The following CAPN8 variants were observed in gnomAD, a reference collection of about 807,000 sequenced individuals.
The protein encoded by CAPN8 is calpain-8.
A neutral mutation model predicts 80.9 loss-of-function variants in CAPN8; 87 were observed. That is an observed-to-expected ratio of 1.07 (90% CI 0.90 to 1.28). CAPN8 has a LOEUF of 1.28. Among genes scored for constraint, CAPN8 ranks in the 50% most tolerant of loss-of-function variants. CAPN8 has a pLI of 0.00. For missense variants in CAPN8, 757 were observed against 702.0 expected (o/e 1.08, Z -0.89); for synonymous variants, 299 against 273.8 (o/e 1.09, Z -0.91).
intron 2 of CAPN8, among the ~76,000 whole-genome samples, chr1:223,651,308 T>C (rs972631955): frequency 6.6e-6 from 1 of 152,140 alleles, no homozygotes; most frequent in Non-Finnish European, 1.5e-5. Flanking sequence ...TTTAATTACT[T>C]AAATGGAGGT....
rs1656577387 is a variant in CAPN8, at chr1:223,544,870, C to T, written c.1834-20G>A. On this transcript the variant is annotated intron_variant, in intron 17 of 20. Transcript: ENST00000366872. ...GATCTCCTAAAGCAGGAAAGAAATC[C>T]CAAGTAGAAAACAACCATTCACGGC... 3 of 1,551,482 alleles carry T rather than the reference C, an allele frequency of 1.9e-6. No homozygotes were observed. In the East Asian group the frequency reaches 7.3e-5, roughly 38 times the overall value.
chr1:223,625,859 G>A lies in CAPN8; in HGVS notation c.759C>T (p.Ile253=), dbSNP rs1459412763. The A allele has an allele frequency of 4.5e-6, 7 of 1,551,476 alleles. No individual in the cohort carries two copies. The highest frequency in any genetic ancestry group is 6.1e-6 in the Non-Finnish European group (7 of 1,146,874). ...GACTCTTAACCAGCTTCTGGCTGGT[G>A]ATGGCTTCGGCTTCGGCTGCACTGG... ...DVSSAAEAEA[I]TSQKLVKSHA... is the part of the protein sequence containing the mutation. The change falls in exon 6 of 21, where the codon ATC becomes ATT. Residue 253 remains isoleucine (I), a synonymous_variant. Transcript: ENST00000366872.
At chr1:223,611,100 A>T (rs1178401624) in intron 11 of CAPN8, among the ~76,000 whole-genome samples, 1 of 152,156 alleles carries the variant, frequency 6.6e-6, no homozygotes, top group Non-Finnish European at 1.5e-5. Context: ...AGAAAGCTCC[A>T]TTGTGTGTGC....
intron 2 of CAPN8, among the ~76,000 whole-genome samples, chr1:223,648,299 G>A (rs917614830): frequency 6.6e-6 from 1 of 152,190 alleles, no homozygotes; most frequent in African/African-American, 2.4e-5. Context: ...GGGCCACATG[G>A]AGCTGTCATC....
At chr1:223,557,105 G>C (rs1656922252) in intron 13 of CAPN8, among the ~76,000 whole-genome samples, 1 of 152,050 alleles carries the variant, frequency 6.6e-6, no homozygotes, top group African/African-American at 2.4e-5. Context: ...AAACTAACTG[G>C]AATAAGAAAA....
At chr1:223,614,876 G>A (rs997569648) in intron 10 of CAPN8, among the ~76,000 whole-genome samples, 1 of 152,206 alleles carries the variant, frequency 6.6e-6, no homozygotes, top group African/African-American at 2.4e-5. Context: ...ATTCTAGGTG[G>A]AGATGAAAGA....
At chr1:223,613,487 C>A (rs1260608728) in intron 10 of CAPN8, among the ~76,000 whole-genome samples, 2 of 152,234 alleles carry the variant, frequency 1.3e-5, no homozygotes, top group Non-Finnish European at 2.9e-5. Context: ...ATCCACCCTA[C>A]CAAGAATCAC....
rs1210745089 is a variant in CAPN8, at chr1:223,615,969, C to T, written c.1311+1G>A. 2.6e-6 allele frequency: 4 copies of T among 1,552,226 alleles called. No homozygotes were observed. Among genetic ancestry groups the T allele is most frequent in the East Asian group, 4.9e-5 (2 of 40,926 alleles). On this transcript the variant is annotated splice_donor_variant, in intron 10 of 20. Coordinates refer to ENST00000366872, the MANE Select transcript of CAPN8 (RefSeq NM_001143962.2). LOFTEE classifies it high-confidence loss of function. ...GAAGGACAAACCCAGCACAGCAGTA[C>T]CTGGTAGACGGCATAGCCGATGCTA...
At chr1:223,558,404 GC>G (rs1656953122) in intron 12 of CAPN8, among the ~76,000 whole-genome samples, 1 of 152,158 alleles carries the variant, frequency 6.6e-6, no homozygotes, top group Non-Finnish European at 1.5e-5. Context: ...AGTGCCATTG[GC>G]CCTTCAAGGA....
intron 11 of CAPN8, among the ~76,000 whole-genome samples, chr1:223,611,690 T>C (rs144868233): frequency 0.011 from 1,706 of 152,360 alleles, 23 homozygotes; most frequent in African/African-American, 0.037. Context: ...AAGAGGTATT[T>C]GCTCTAAACC....
intron 11 of CAPN8, among the ~76,000 whole-genome samples, chr1:223,609,630 A>C (rs1460070811): frequency 6.6e-6 from 1 of 152,112 alleles, no homozygotes; most frequent in East Asian, 1.9e-4. Flanking sequence ...ACGAAGGTTG[A>C]GGGACAGGGT....
chr1:223,620,334 C>CA, intron 7 of CAPN8, 68 bp from the exon 8 acceptor site: 5 of 1,356,898 alleles, frequency 3.7e-6, no homozygotes, highest in Middle Eastern at 3.6e-4. Flanking sequence ...CTGTTTACTG[C>CA]AGCTAAGCTT....
At chr1:223,617,435 C>A (rs1473697600) in intron 9 of CAPN8, 4 of 152,162 alleles carry the variant, frequency 2.6e-5, no homozygotes, top group African/African-American at 9.7e-5. Context: ...GCCTATACTT[C>A]CATCACTACC....
At chr1:223,639,158 T>C (rs923428727) in intron 2 of CAPN8, among the ~76,000 whole-genome samples, 1 of 152,176 alleles carries the variant, frequency 6.6e-6, no homozygotes, top group East Asian at 1.9e-4. Context: ...GAGAATTGCT[T>C]GAACCTGGGA....
At chr1:223,623,646 A>C (rs1657470121) in intron 6 of CAPN8, among the ~76,000 whole-genome samples, 1 of 152,168 alleles carries the variant, frequency 6.6e-6, no homozygotes, top group South Asian at 2.1e-4. Context: ...CAACTCACCT[A>C]GCCCAATGTT....
intron 1 of CAPN8, among the ~76,000 whole-genome samples, chr1:223,656,555 A>G (rs1658494247): frequency 6.6e-6 from 1 of 152,176 alleles, no homozygotes; most frequent in Non-Finnish European, 1.5e-5. Flanking sequence ...ATAATGGTGT[A>G]AAACACAAAA....
At chr1:223,627,271 CTTTGCCTAT>C in intron 4 of CAPN8, 114 bp from the exon 5 acceptor site, 2 of 1,242,130 alleles carry the variant, frequency 1.6e-6, no homozygotes, top group South Asian at 3.1e-5. Context: ...AAGGAAGGCT[CTTTGCCTAT>C]TTTGCCTATG....
At chr1:223,542,748 C>A (rs1014426664) in intron 20 of CAPN8, among the ~76,000 whole-genome samples, 25 of 152,142 alleles carry the variant, frequency 1.6e-4, no homozygotes, top group African/African-American at 5.8e-4. Flanking sequence ...ACTGCAATTT[C>A]ATTTTTGTTT....
chr1:223,633,435 G>T (rs1657829386), intron 2 of CAPN8, among the ~76,000 whole-genome samples: 1 of 151,806 alleles, frequency 6.6e-6, no homozygotes, highest in Non-Finnish European at 1.5e-5. Flanking sequence ...GCCAAGGCAG[G>T]TGGATCACTT....
Sources: gnomAD v4.1 joint callset for allele counts (sites outside exome capture counted in the v4.1 genomes callset) on GRCh38, gnomAD v4.1.1 for gene constraint, MANE v1.5 for transcripts, NCBI Gene and HGNC (gene_info 2026-07-23, HGNC 2026-07-21) for gene names.